Variants in SNX25 observed in about 807,000 individuals in gnomAD.
SNX25 encodes sorting nexin 25, also known as sorting nexin-25.
SNX25 carries 62 observed loss-of-function variants against 113.7 expected under a neutral mutation model. The observed-to-expected ratio is 0.55, with a 90% CI of 0.44 to 0.67. SNX25 has a LOEUF of 0.67. SNX25 is among the 30% of genes least tolerant of loss of function. The pLI is 0.00. For missense variants in SNX25, 1,014 were observed against 1,161.0 expected (o/e 0.87, Z 1.84); for synonymous variants, 421 against 436.2 (o/e 0.97, Z 0.43).
At chr4:185,240,242 C>T (rs966042260) in intron 1 of SNX25, among the ~76,000 whole-genome samples, 4 of 152,172 alleles carry the variant, frequency 2.6e-5, no homozygotes, top group Non-Finnish European at 5.9e-5. Context: ...TCCACAAAAC[C>T]GCCATTGTCA....
rs12509232 is a variant in SNX25, at chr4:185,232,962, T to C, written c.430-14332T>C. On this transcript the variant is annotated intron_variant, in intron 1 of 18. Transcript: ENST00000652585. The surrounding 1 kb of genome is among the most constrained non-coding windows in gnomAD (Gnocchi z 4.4). ...TTCCATGGTGGTATGGCTCATTAGC[T>C]ACCCGATTATGAGTTTCCATCAAAA... Among the ~76,000 whole-genome samples, 57,018 of 151,982 alleles carry C rather than the reference T, an allele frequency of 0.38. 12,977 individuals carry two copies. The highest frequency in any genetic ancestry group is 0.59 in the East Asian group (3,032 of 5,164).
Position 185,320,870 on chromosome 4 carries a change from A to C in SNX25, c.1476+6A>C, listed in dbSNP as rs989122692. Reference sequence around the variant, plus strand: ...ATTTAAAGAATGCTAACAAGGTAGTATATGTAGGCTGAAAGGAATATTAAT... The same window carrying C: ...ATTTAAAGAATGCTAACAAGGTAGTCTATGTAGGCTGAAAGGAATATTAAT... On this transcript the variant is annotated splice_donor_region_variant and intron_variant, in intron 8 of 18. Transcript: ENST00000652585. The C allele has an allele frequency of 4.4e-6, 7 of 1,579,076 alleles. No homozygotes were observed. In the African/African-American group the frequency reaches 8.2e-5, roughly 18 times the overall value.
In SNX25 at chr4:185,323,612, A is replaced by G; in HGVS notation, c.1561A>G (p.Lys521Glu). 6.2e-7 allele frequency: 1 copy of G among 1,613,648 alleles called. No homozygotes were observed. Among genetic ancestry groups the G allele is most frequent in the Non-Finnish European group, 8.5e-7 (1 of 1,179,724 alleles). Residue 521 changes from lysine to glutamate, a missense_variant, in exon 9 of 19, where the codon AAA (lysine) becomes GAA (glutamate). Lys to Glu is a moderately conservative substitution (Grantham distance 56). Coordinates refer to ENST00000652585, the MANE Select transcript of SNX25 (RefSeq NM_001378034.2). ...KEISVEKSLY[K>E]EIQQCLVGNK... ...AATATCTGTGGAAAAATCACTTTAC[A>G]AAGAAATTCAGCAGTGTCTTGTAGG...
intron 1 of SNX25, among the ~76,000 whole-genome samples, chr4:185,214,157 C>T (rs1738389114): frequency 6.6e-6 from 1 of 151,960 alleles, no homozygotes; most frequent in Non-Finnish European, 1.5e-5. Flanking sequence ...GTTCATCTAC[C>T]CGCTAACATG....
intron 5 of SNX25, among the ~76,000 whole-genome samples, chr4:185,284,219 C>T (rs1751035726): frequency 6.6e-6 from 1 of 152,184 alleles, no homozygotes; most frequent in African/African-American, 2.4e-5. Context: ...TTTCAGTCTA[C>T]ATTCTTAGGC....
intron 1 of SNX25, among the ~76,000 whole-genome samples, chr4:185,226,291 C>T (rs1463641024): frequency 6.6e-6 from 1 of 152,190 alleles, no homozygotes; most frequent in East Asian, 1.9e-4. Flanking sequence ...AACAGCCAGG[C>T]ATATACTTTT....
chr4:185,374,210 AT>A (rs776231927), downstream of SNX25: 1 of 1,614,078 alleles, frequency 6.2e-7, no homozygotes, highest in South Asian at 1.1e-5. Context: ...TAGCTTTGGG[AT>A]TTCCATTGTC....
At chr4:185,365,478 C>T (rs2095383681), downstream of SNX25, 1 of 151,968 alleles carries the variant, frequency 6.6e-6, no homozygotes, top group East Asian at 1.9e-4. Context: ...GTCTCAGCCT[C>T]CCGAGTAGCT....
chr4:185,339,674 C>T (rs1047090149), intron 11 of SNX25, among the ~76,000 whole-genome samples, 164 bp downstream of exon 11: 10 of 152,206 alleles, frequency 6.6e-5, no homozygotes, highest in African/African-American at 2.4e-4. Flanking sequence ...CCGGTTCACT[C>T]ATGACTGGGA....
chr4:185,374,927 T>C (rs1403279942), downstream of SNX25, among the ~76,000 whole-genome samples: 4 of 152,126 alleles, frequency 2.6e-5, no homozygotes, highest in African/African-American at 2.4e-5. Context: ...TGTGTGCTCA[T>C]AGTTTGTATC....
At chr4:185,293,612 C>T (rs111689034) in intron 6 of SNX25, among the ~76,000 whole-genome samples, 389 of 152,214 alleles carry the variant, frequency 2.6e-3, no homozygotes, top group African/African-American at 8.7e-3. Context: ...GTAGTATTTA[C>T]ATTATATTTT....
intron 1 of SNX25, among the ~76,000 whole-genome samples, chr4:185,233,816 G>A (rs927188014): frequency 6.6e-6 from 1 of 151,894 alleles, no homozygotes; most frequent in African/African-American, 2.4e-5. Context: ...TTCTCCCCAT[G>A]AATCTAATTC....
chr4:185,320,262 G>A (rs569060070), intron 7 of SNX25, among the ~76,000 whole-genome samples: 2 of 152,302 alleles, frequency 1.3e-5, no homozygotes, highest in African/African-American at 2.4e-5. Flanking sequence ...TAAAGAAAAT[G>A]TGGTACATAT....
chr4:185,300,782 G>A (rs1017940935), intron 6 of SNX25, among the ~76,000 whole-genome samples: 6 of 150,264 alleles, frequency 4.0e-5, no homozygotes, highest in Non-Finnish European at 7.4e-5. Flanking sequence ...AGGTGATTAG[G>A]TCATGAGGGT....
chr4:185,216,975 A>G (rs1393443426), intron 1 of SNX25, among the ~76,000 whole-genome samples: 1 of 152,174 alleles, frequency 6.6e-6, no homozygotes, highest in Non-Finnish European at 1.5e-5. Flanking sequence ...AGGAGCTAGG[A>G]TTAGAAAGGT....
intron 11 of SNX25, among the ~76,000 whole-genome samples, chr4:185,369,440 C>T (rs2095407236): frequency 1.3e-5 from 2 of 151,312 alleles, no homozygotes; most frequent in African/African-American, 2.4e-5. Context: ...GACCCAGTTT[C>T]ACCATGTTGG....
intron 3 of SNX25, among the ~76,000 whole-genome samples, chr4:185,261,989 T>C (rs1460051474): frequency 6.6e-6 from 1 of 152,186 alleles, no homozygotes; most frequent in Non-Finnish European, 1.5e-5. Context: ...CGGCAGACAG[T>C]GAGTCCAGGT....
chr4:185,357,800 A>G lies in SNX25; in HGVS notation c.2651+63A>G, dbSNP rs149538342. The G allele has an allele frequency of 2.0e-4, 268 of 1,323,840 alleles. 2 individuals are homozygous for G. In the African/African-American group the frequency reaches 3.5e-3, roughly 17 times the overall value. 82.0% of individuals were successfully genotyped at this position (1,323,840 alleles called of 1,614,324 possible). A position where few individuals can be genotyped will look rare whatever the true frequency, so the allele number is the denominator to read the frequency against. ...ACTCTTTTGCCTTGACAGTCAAATT[A>G]CCTTATGATCTAGCAGCCAGTCATT... On this transcript the variant is annotated intron_variant, in intron 16 of 18. Transcript: ENST00000652585.
chr4:185,295,823 TAAAG>T (rs1752764727), intron 6 of SNX25: 1 of 152,186 alleles, frequency 6.6e-6, no homozygotes, highest in South Asian at 2.1e-4. Flanking sequence ...TTTGAGGGTT[TAAAG>T]AAAAAATGCC....
Sources: allele counts gnomAD v4.1 joint callset (sites outside exome capture counted in the v4.1 genomes callset), GRCh38; gene constraint gnomAD v4.1.1; non-coding constraint Gnocchi (gnomAD v3.1); transcripts MANE v1.5; gene names NCBI Gene and HGNC (gene_info 2026-07-23, HGNC 2026-07-21).